SLC35F3: variants seen among roughly 807,000 people sequenced by gnomAD.
The protein encoded by SLC35F3 is solute carrier family 35 member F3.
A neutral mutation model predicts 49.9 loss-of-function variants in SLC35F3; 25 were observed. The ratio of observed to expected loss-of-function variants is 0.50; its 90% CI spans 0.37 to 0.70. The LOEUF is 0.70. SLC35F3 is among the 30% of genes least tolerant of loss of function. SLC35F3 has a pLI of 0.00. For synonymous variants in SLC35F3, 275 were observed against 265.4 expected (o/e 1.04, Z -0.35); for missense variants, 525 against 639.8 (o/e 0.82, Z 1.94).
chr1:234,207,429 T>TC (rs1558260495), intron 2 of SLC35F3, among the ~76,000 whole-genome samples: 3 of 368 alleles, frequency 8.2e-3, no homozygotes, highest in African/African-American at 0.021. Context: ...TCCCTCCCTC[T>TC]TTCCTGCTTC....
rs544352330 is a variant in SLC35F3, at chr1:234,267,023, C to T, written c.608+35282C>T. Among the ~76,000 whole-genome samples the T allele has an allele frequency of 2.6e-3, 361 of 138,114 alleles. 7 individuals are homozygous for T. The highest frequency in any genetic ancestry group is 0.021 in the Admixed American group (296 of 13,776). The allele number at this position is 138,114 out of a possible 152,430, so 90.6% of individuals were successfully genotyped here. On this transcript the variant is annotated intron_variant, in intron 3 of 7. Coordinates refer to ENST00000366618, the MANE Select transcript of SLC35F3 (RefSeq NM_173508.4). ...TGGTTTTCCTAGGCAGAGGACCCTG[C>T]GGCCTTCCGCAGTGTTTGTGTCCCT...
At chr1:233,963,292 T>C (rs1006481859) in intron 2 of SLC35F3, among the ~76,000 whole-genome samples, 1 of 151,878 alleles carries the variant, frequency 6.6e-6, no homozygotes, top group Non-Finnish European at 1.5e-5. Context: ...TCTTTTTTCT[T>C]TCTTTCTTTT....
At chr1:234,287,723 C>T (rs1668444920) in intron 3 of SLC35F3, among the ~76,000 whole-genome samples, 1 of 152,156 alleles carries the variant, frequency 6.6e-6, no homozygotes, top group Non-Finnish European at 1.5e-5. Context: ...CTCTAGGGCC[C>T]ATCAATGAAG....
intron 2 of SLC35F3, among the ~76,000 whole-genome samples, chr1:234,187,754 C>T (rs1174873401): frequency 6.6e-6 from 1 of 152,230 alleles, no homozygotes; most frequent in Admixed American, 6.5e-5. Flanking sequence ...CCTGCAGTCT[C>T]TCTGGGTCCC....
chr1:234,257,848 T>C (rs1256340241), intron 3 of SLC35F3, among the ~76,000 whole-genome samples: 1 of 152,144 alleles, frequency 6.6e-6, no homozygotes, highest in African/African-American at 2.4e-5. Flanking sequence ...GAAGGGGAGA[T>C]TTAACAAGCA....
intron 2 of SLC35F3, among the ~76,000 whole-genome samples, chr1:234,061,058 T>C (rs1664532012): frequency 6.6e-6 from 1 of 152,234 alleles, no homozygotes; most frequent in Admixed American, 6.5e-5. Context: ...TGGCTTTTTG[T>C]GTGCATGTAT....
chr1:234,163,779 C>G (rs765751388), intron 2 of SLC35F3, among the ~76,000 whole-genome samples: 4 of 152,000 alleles, frequency 2.6e-5, no homozygotes, highest in Non-Finnish European at 5.9e-5. Context: ...CCAGAGCTAC[C>G]CTGTGAACCT....
chr1:234,150,882 G>A (rs1408557864), intron 2 of SLC35F3, among the ~76,000 whole-genome samples: 1 of 152,214 alleles, frequency 6.6e-6, no homozygotes. Flanking sequence ...AGTGTTGGCA[G>A]TGACTGAGGG....
intron 2 of SLC35F3, among the ~76,000 whole-genome samples, chr1:233,947,567 A>G (rs1662531896): frequency 6.6e-6 from 1 of 151,716 alleles, no homozygotes; most frequent in Non-Finnish European, 1.5e-5. Flanking sequence ...AAGGGCTCAA[A>G]TGGGTACCAC....
At chr1:234,204,270 C>T (rs758423309) in intron 2 of SLC35F3, among the ~76,000 whole-genome samples, 8 of 152,052 alleles carry the variant, frequency 5.3e-5, no homozygotes, top group Non-Finnish European at 8.8e-5. Context: ...TATCAACCTT[C>T]TAAAAAGATA....
chr1:234,136,283 T>C (rs947541482), intron 2 of SLC35F3, among the ~76,000 whole-genome samples: 1 of 140,222 alleles, frequency 7.1e-6, no homozygotes, highest in Non-Finnish European at 1.5e-5. Context: ...TCTCTTTCTC[T>C]CTTCTTTATT....
At chr1:234,168,730 C>T (rs1478988350) in intron 2 of SLC35F3, among the ~76,000 whole-genome samples, 1 of 152,142 alleles carries the variant, frequency 6.6e-6, no homozygotes, top group African/African-American at 2.4e-5. Context: ...GGCAGGGAGG[C>T]CTCTGGGATA....
chr1:233,915,033 A>G (rs965799053), intron 2 of SLC35F3, among the ~76,000 whole-genome samples: 2 of 152,216 alleles, frequency 1.3e-5, no homozygotes, highest in African/African-American at 4.8e-5. Flanking sequence ...GGTGATTTGC[A>G]GTGTTAAAGG....
Position 234,192,627 on chromosome 1 carries a change from C to T in SLC35F3, c.284-38790C>T, listed in dbSNP as rs112659653. Among the ~76,000 whole-genome samples, 1,201 of 152,202 alleles carry T rather than the reference C, an allele frequency of 7.9e-3. 19 individuals carry two copies. Among genetic ancestry groups the T allele is most frequent in the African/African-American group, 0.027 (1,136 of 41,544 alleles). ...GACAAGAGAAACAAATAAAGGACAT[C>T]CAGATCAGTAAAGAGGAAGGCAAAC... On this transcript the variant is annotated intron_variant, in intron 2 of 7. Coordinates refer to ENST00000366618, the MANE Select transcript of SLC35F3 (RefSeq NM_173508.4).
chr1:234,026,440 A>T (rs1452559144), intron 2 of SLC35F3, among the ~76,000 whole-genome samples: 1 of 152,196 alleles, frequency 6.6e-6, no homozygotes, highest in African/African-American at 2.4e-5. Flanking sequence ...GCATTTCCTA[A>T]CTTCAGAAGC....
intron 2 of SLC35F3, among the ~76,000 whole-genome samples, chr1:234,058,555 G>C (rs1664491782): frequency 6.6e-6 from 1 of 151,886 alleles, no homozygotes; most frequent in Non-Finnish European, 1.5e-5. Context: ...TGTTTCCCAA[G>C]CTGGTCTCAG....
At chr1:234,094,643 G>T (rs1176350236) in intron 2 of SLC35F3, among the ~76,000 whole-genome samples, 1 of 152,178 alleles carries the variant, frequency 6.6e-6, no homozygotes, top group African/African-American at 2.4e-5. Context: ...CAGGAATGAA[G>T]GCCTCTGATT....
intron 2 of SLC35F3, among the ~76,000 whole-genome samples, chr1:233,981,599 A>G (rs1663184748): frequency 6.6e-6 from 1 of 152,062 alleles, no homozygotes. Flanking sequence ...TTTGGCTGGT[A>G]TGAATAAAGT....
intron 3 of SLC35F3, among the ~76,000 whole-genome samples, chr1:234,273,355 T>G (rs1436664196): frequency 6.6e-6 from 1 of 152,144 alleles, no homozygotes; most frequent in Non-Finnish European, 1.5e-5. Flanking sequence ...CACACCGGTG[T>G]GAGTGGTACA....
Sources: gnomAD v4.1 joint callset for allele counts (sites outside exome capture counted in the v4.1 genomes callset) on GRCh38, gnomAD v4.1.1 for gene constraint, MANE v1.5 for transcripts, NCBI Gene and HGNC (gene_info 2026-07-23, HGNC 2026-07-21) for gene names.